The following VPS53 variants were observed in gnomAD, a reference collection of about 807,000 sequenced individuals.
The protein encoded by VPS53 is VPS53 subunit of GARP complex.
VPS53 carries 70 observed loss-of-function variants against 107.0 expected under a neutral mutation model. The ratio of observed to expected loss-of-function variants is 0.65; its 90% CI spans 0.54 to 0.80. The LOEUF (loss-of-function observed/expected upper bound fraction) is 0.80. Ranked by LOEUF, VPS53 falls within the 30% of genes least tolerant of loss-of-function variation. The pLI is 0.00. For missense variants in VPS53, 917 were observed against 1,049.4 expected, an observed-to-expected ratio of 0.87 and a Z score of 1.74; for synonymous variants, 409 against 393.3, an observed-to-expected ratio of 1.04 and a Z score of -0.47.
At chr17:531,505 C>CT (rs554021532) in intron 19 of VPS53, among the ~76,000 whole-genome samples, 1,811 of 146,756 alleles carry the variant, frequency 0.012, 26 homozygotes, top group African/African-American at 0.037. Context: ...TTAAAAGACT[C>CT]TTTTTTTTTT....
At chr17:533,573 C>T (rs1162802732) in intron 18 of VPS53, among the ~76,000 whole-genome samples, 1 of 152,208 alleles carries the variant, frequency 6.6e-6, no homozygotes, top group Non-Finnish European at 1.5e-5. Context: ...GCTTGTGGGT[C>T]AGTACACACG....
intron 7 of VPS53, among the ~76,000 whole-genome samples, chr17:642,533 C>T (rs1033660518): frequency 1.6e-4 from 24 of 149,648 alleles, no homozygotes; most frequent in Non-Finnish European, 3.0e-4. Flanking sequence ...ACTTGGAAAG[C>T]GAGGACAACA....
Position 631,579 on chromosome 17 carries a change from C to T in VPS53, c.658G>A (p.Glu220Lys). 6.2e-7 allele frequency: 1 copy of T among 1,614,122 alleles called. No individual in the cohort carries two copies. Among genetic ancestry groups the T allele is most frequent in the South Asian group, 1.1e-5 (1 of 91,076 alleles). ...ELGQQILADFEEAFPSQGTKR... is the reference protein window; with the variant it reads ...ELGQQILADFKEAFPSQGTKR... ...GTGCCCTGGGAAGGAAACGCTTCTT[C>T]AAAATCTGCCAGGATTTGCTGTCCT... Residue 220 changes from glutamate (E) to lysine (K), a missense_variant, in exon 8 of 22, where the codon GAA (glutamate) becomes AAA (lysine). Physicochemically the swap from Glu to Lys is moderately conservative, Grantham distance 56. Transcript: ENST00000437048.
chr17:521,976 A>C, intron 19 of VPS53, among the ~76,000 whole-genome samples: 1 of 152,200 alleles, frequency 6.6e-6, no homozygotes, highest in Non-Finnish European at 1.5e-5. Flanking sequence ...TCAGGGGGCC[A>C]GGAGCCGTGG....
At chr17:527,052 A>G (rs1260718862) in intron 19 of VPS53, among the ~76,000 whole-genome samples, 1 of 152,228 alleles carries the variant, frequency 6.6e-6, no homozygotes. Flanking sequence ...CTTTTTAAAA[A>G]AATTAGGTAT....
intron 19 of VPS53, among the ~76,000 whole-genome samples, chr17:531,376 T>G (rs1336397988): frequency 6.6e-6 from 1 of 152,210 alleles, no homozygotes; most frequent in Non-Finnish European, 1.5e-5. Context: ...AAAACGGAAG[T>G]AAACATAGGA....
At chr17:699,608 T>C (rs536420636) in intron 2 of VPS53, among the ~76,000 whole-genome samples, 2 of 152,290 alleles carry the variant, frequency 1.3e-5, no homozygotes, top group South Asian at 4.1e-4. Flanking sequence ...AACACAGCCA[T>C]GCCCGTTCAC....
rs567897013 is a variant in VPS53 at position 529,159 on chromosome 17, C to T, written c.2085+3683G>A. On this transcript the variant is annotated intron_variant, in intron 19 of 21. Coordinates refer to ENST00000437048, the MANE Select transcript of VPS53 (RefSeq NM_001128159.3). ...AAAAGACTCTCTTTGAATGATGCCA[C>T]TTTGGTCATAAATCAAGTATCTACA... Among the ~76,000 whole-genome samples the T allele has an allele frequency of 3.9e-5, 6 of 152,028 alleles. No homozygotes were observed. The South Asian group carries it at 1.3e-3, about 32-fold the overall frequency.
At chr17:539,951 T>TGTAAAG (rs1482134166) in intron 17 of VPS53, among the ~76,000 whole-genome samples, 1 of 151,990 alleles carries the variant, frequency 6.6e-6, no homozygotes, top group African/African-American at 2.4e-5. Context: ...ACCAGGTCTA[T>TGTAAAG]CTAAAGCCCA....
intron 11 of VPS53, among the ~76,000 whole-genome samples, chr17:612,079 CAT>C (rs1491478286): frequency 1.2e-4 from 18 of 151,848 alleles, no homozygotes; most frequent in Admixed American, 5.9e-4. Flanking sequence ...AAAATATTCA[CAT>C]AGTGAGTTCA....
At chr17:593,256 C>A (rs1744741277) in intron 12 of VPS53, among the ~76,000 whole-genome samples, 2 of 152,058 alleles carry the variant, frequency 1.3e-5, no homozygotes, top group Non-Finnish European at 2.9e-5. Flanking sequence ...TGGGCAAGGA[C>A]TTCATGTCTA....
At chr17:655,275 T>C (rs1447508735) in intron 6 of VPS53, among the ~76,000 whole-genome samples, 1 of 151,442 alleles carries the variant, frequency 6.6e-6, no homozygotes, top group African/African-American at 2.4e-5. Flanking sequence ...AATGTTCTGA[T>C]GTATCATTCC....
At chr17:562,457 T>C in intron 14 of VPS53, 46 bp downstream of exon 14, 2 of 1,605,226 alleles carry the variant, frequency 1.2e-6, no homozygotes, top group Non-Finnish European at 1.7e-6. Flanking sequence ...GATTCCCATA[T>C]TTAGGTCTAT....
chr17:601,346 G>A (rs1313179295), intron 12 of VPS53, among the ~76,000 whole-genome samples: 1 of 152,166 alleles, frequency 6.6e-6, no homozygotes, highest in Non-Finnish European at 1.5e-5. Flanking sequence ...ACATTTCCAG[G>A]CCTCCCCAAT....
intron 4 of VPS53, among the ~76,000 whole-genome samples, chr17:672,325 CA>C (rs367951851): frequency 6.6e-6 from 1 of 152,070 alleles, no homozygotes; most frequent in African/African-American, 2.4e-5. Flanking sequence ...AGGATCCTTC[CA>C]AATAATCCCC....
chr17:702,664 T>C (rs1973252113), intron 2 of VPS53, among the ~76,000 whole-genome samples: 1 of 151,776 alleles, frequency 6.6e-6, no homozygotes, highest in South Asian at 2.1e-4. Context: ...AGACTCTGTC[T>C]CAATAAATAA....
At chr17:563,547 G>A (rs1056927404) in intron 13 of VPS53, among the ~76,000 whole-genome samples, 1 of 152,108 alleles carries the variant, frequency 6.6e-6, no homozygotes, top group African/African-American at 2.4e-5. Context: ...ACCCACCTTG[G>A]CCTCCCAAAG....
intron 13 of VPS53, among the ~76,000 whole-genome samples, chr17:577,907 C>T (rs1160840724): frequency 6.6e-6 from 1 of 151,932 alleles, no homozygotes; most frequent in Non-Finnish European, 1.5e-5. Context: ...TCCCTCAGAA[C>T]CTAATGCGTT....
At chr17:705,423 TAA>T (rs11295086) in intron 2 of VPS53, among the ~76,000 whole-genome samples, 133 of 143,586 alleles carry the variant, frequency 9.3e-4, no homozygotes, top group Non-Finnish European at 8.9e-4. Context: ...GCCCAGTCTG[TAA>T]AAAAAAAAAA....
Sources: gnomAD v4.1 joint callset for allele counts (sites outside exome capture counted in the v4.1 genomes callset) on GRCh38, gnomAD v4.1.1 for gene constraint, MANE v1.5 for transcripts, NCBI Gene and HGNC (gene_info 2026-07-23, HGNC 2026-07-21) for gene names.